ANKS1B: variants seen among roughly 807,000 people sequenced by gnomAD.
ANKS1B encodes ankyrin repeat and sterile alpha motif domain-containing protein 1B.
A neutral mutation model predicts 148.3 loss-of-function variants in ANKS1B; 36 were observed. The observed-to-expected ratio is 0.24, with a 90% CI of 0.19 to 0.32. The LOEUF is 0.32. Among genes scored for constraint, ANKS1B ranks in the 10% least tolerant of loss-of-function variants. The pLI is 1.00. For missense variants in ANKS1B, 1,157 were observed against 1,542.6 expected (o/e 0.75, Z 4.19); for synonymous variants, 542 against 560.8 (o/e 0.97, Z 0.47).
In ANKS1B at chr12:99,865,793, A is replaced by C. The variant is rs533505118; in HGVS notation, c.135-40404T>G. Among the ~76,000 whole-genome samples, 3 of 152,318 alleles carry C rather than the reference A, an allele frequency of 2.0e-5. No individual in the cohort carries two copies. The East Asian group carries it at 5.8e-4, about 29-fold the overall frequency. ...AAAATTTTACTTAAACCTATGCCTC[A>C]GTCTAAATTTCCCAGTGAACATTTG... is the stretch of plus-strand genomic sequence containing the variant. On this transcript the variant is annotated intron_variant, in intron 1 of 26. Coordinates refer to ENST00000683438, the MANE Select transcript of ANKS1B (RefSeq NM_001352186.2).
chr12:98,917,290 A>G (rs1194380178), intron 17 of ANKS1B, among the ~76,000 whole-genome samples: 1 of 152,188 alleles, frequency 6.6e-6, no homozygotes, highest in Non-Finnish European at 1.5e-5. Context: ...ATGGCAAGAC[A>G]GGGTCTTAGG....
intron 12 of ANKS1B, among the ~76,000 whole-genome samples, chr12:99,250,388 G>A (rs971647962): frequency 6.6e-6 from 1 of 152,300 alleles, no homozygotes; most frequent in Admixed American, 6.5e-5. Context: ...AGGAGGGGCC[G>A]TCCCTCCACA....
intron 12 of ANKS1B, among the ~76,000 whole-genome samples, chr12:99,291,640 G>A (rs2079999611): frequency 6.6e-6 from 1 of 152,022 alleles, no homozygotes; most frequent in Non-Finnish European, 1.5e-5. Context: ...AACACATTGG[G>A]GAAAGGACAA....
At chr12:99,934,670 G>T (rs1330686865) in intron 1 of ANKS1B, among the ~76,000 whole-genome samples, 1 of 151,976 alleles carries the variant, frequency 6.6e-6, no homozygotes, top group Non-Finnish European at 1.5e-5. Context: ...TCTGGCTAAA[G>T]GTTTCCCAAT....
intron 16 of ANKS1B, among the ~76,000 whole-genome samples, chr12:99,069,194 A>C (rs1691272882): frequency 6.6e-6 from 1 of 152,170 alleles, no homozygotes; most frequent in Non-Finnish European, 1.5e-5. Context: ...GAGTTGCTCT[A>C]GCTTCCTTTC....
At chr12:99,066,778 T>A (rs1467307299) in intron 16 of ANKS1B, among the ~76,000 whole-genome samples, 2 of 152,312 alleles carry the variant, frequency 1.3e-5, no homozygotes, top group East Asian at 3.9e-4. Context: ...TAGACCAGCA[T>A]AATTTCCTGA....
chr12:99,761,609 C>G (rs1601626865), intron 8 of ANKS1B, among the ~76,000 whole-genome samples: 1 of 152,022 alleles, frequency 6.6e-6, no homozygotes, highest in African/African-American at 2.4e-5. Context: ...TGGGCAAAAA[C>G]TAGAAGCATT....
At chr12:98,960,956 G>A (rs2099870311) in intron 17 of ANKS1B, among the ~76,000 whole-genome samples, 1 of 152,098 alleles carries the variant, frequency 6.6e-6, no homozygotes. Flanking sequence ...AAAATACACA[G>A]TCGGAGGAGA....
At chr12:98,954,502 A>T (rs1395917189) in intron 17 of ANKS1B, 2 of 152,246 alleles carry the variant, frequency 1.3e-5, no homozygotes, top group African/African-American at 4.8e-5. Context: ...CAAATGGAAC[A>T]AGGTCAGCAA....
Position 99,975,128 on chromosome 12 carries a change from G to A in ANKS1B, c.134+8976C>T, listed in dbSNP as rs1013125937. ...TGATTGCACCACAGCACCCCGGCCTGGGTGACAGAGTGAGAACTTGTCTCC... is the reference window on the plus strand; with the variant it reads ...TGATTGCACCACAGCACCCCGGCCTAGGTGACAGAGTGAGAACTTGTCTCC... On this transcript the variant is annotated intron_variant, in intron 1 of 26. Transcript: ENST00000683438. Among the ~76,000 whole-genome samples the A allele has an allele frequency of 2.8e-5, 4 of 143,158 alleles. No homozygotes were observed. In the Admixed American group the frequency reaches 2.9e-4, roughly 10 times the overall value. 93.9% of individuals were successfully genotyped at this position (143,158 alleles called of 152,430 possible). A position where few individuals can be genotyped will look rare whatever the true frequency, so the allele number is the denominator to read the frequency against.
chr12:99,749,740 T>C (rs1262766943), intron 8 of ANKS1B, among the ~76,000 whole-genome samples: 3 of 151,950 alleles, frequency 2.0e-5, no homozygotes, highest in Non-Finnish European at 2.9e-5. Context: ...AGGGAGTCAA[T>C]ATAAACAAAA....
chr12:99,880,226 A>T (rs1453767229), intron 1 of ANKS1B, among the ~76,000 whole-genome samples: 1 of 152,212 alleles, frequency 6.6e-6, no homozygotes, highest in African/African-American at 2.4e-5. Context: ...CGCCTTACAG[A>T]TATTAACTTA....
At chr12:99,832,633 A>G (rs2084200998) in intron 1 of ANKS1B, among the ~76,000 whole-genome samples, 1 of 152,028 alleles carries the variant, frequency 6.6e-6, no homozygotes, top group Non-Finnish European at 1.5e-5. Flanking sequence ...CTGAGGCACA[A>G]GAATCACTTG....
rs557635376 is a variant in ANKS1B, at chr12:99,238,997, G to A, written c.2419+5345C>T. ...GAAAAGCTGAAAATTCCAAAAACCA[G>A]AATGCCTCTTCTCCTCCAAAGGATT... On this transcript the variant is annotated intron_variant, in intron 14 of 26. Coordinates refer to ENST00000683438, the MANE Select transcript of ANKS1B (RefSeq NM_001352186.2). Among the ~76,000 whole-genome samples, 6 of 152,248 alleles carry A rather than the reference G, an allele frequency of 3.9e-5. No homozygotes were observed. In the East Asian group the frequency reaches 1.2e-3, roughly 29 times the overall value.
chr12:98,822,587 A>T (rs2099206472), intron 19 of ANKS1B, among the ~76,000 whole-genome samples: 1 of 152,200 alleles, frequency 6.6e-6, no homozygotes, highest in Admixed American at 6.5e-5. Context: ...GTTGTTTTGA[A>T]AACAGAATAT....
chr12:99,543,377 G>C (rs1203958100), intron 9 of ANKS1B, among the ~76,000 whole-genome samples: 1 of 152,124 alleles, frequency 6.6e-6, no homozygotes, highest in African/African-American at 2.4e-5. Context: ...TGGTGGTATT[G>C]TAAAATAGTG....
At chr12:99,731,991 T>C (rs1464505410) in intron 8 of ANKS1B, among the ~76,000 whole-genome samples, 1 of 152,120 alleles carries the variant, frequency 6.6e-6, no homozygotes, top group Non-Finnish European at 1.5e-5. Context: ...AATTTAAAAA[T>C]GGGCAAAAGT....
chr12:99,019,862 T>C (rs2099944738), intron 17 of ANKS1B, among the ~76,000 whole-genome samples: 2 of 152,198 alleles, frequency 1.3e-5, no homozygotes, highest in African/African-American at 4.8e-5. Context: ...TTTAAAAGTG[T>C]TGAACTGTAG....
chr12:99,516,290 T>C (rs2096820437), intron 9 of ANKS1B, among the ~76,000 whole-genome samples: 3 of 152,156 alleles, frequency 2.0e-5, no homozygotes, highest in African/African-American at 7.2e-5. Flanking sequence ...TTTGACATCT[T>C]GGATTTAAGT....
Sources: gnomAD v4.1 joint callset for allele counts (sites outside exome capture counted in the v4.1 genomes callset) on GRCh38, gnomAD v4.1.1 for gene constraint, MANE v1.5 for transcripts, NCBI Gene and HGNC (gene_info 2026-07-23, HGNC 2026-07-21) for gene names.